Variants in APOL4 observed in about 807,000 individuals in gnomAD.
The protein encoded by APOL4 is apolipoprotein L4, also known as apolipoprotein L, 4.
In APOL4, 14 loss-of-function variants were observed where a neutral mutation model predicts 12.1. The observed-to-expected ratio is 1.16, with a 90% CI of 0.76 to 1.81. The LOEUF is 1.81. APOL4 is among the 40% of genes most tolerant of loss of function. APOL4 has a pLI of 0.00. For missense variants in APOL4, 432 were observed against 423.1 expected (o/e 1.02, Z -0.18); for synonymous variants, 171 against 160.6 (o/e 1.06, Z -0.49).
intron 1 of APOL4, 49 bp from the exon 2 acceptor site, chr22:36,199,425 G>T: frequency 1.9e-6 from 3 of 1,613,724 alleles, no homozygotes; most frequent in Non-Finnish European, 2.5e-6. Context: ...GCCACCTATG[G>T]GCAAAGGGAG....
chr22:36,200,519 G>A (rs893757849), intron 1 of APOL4, among the ~76,000 whole-genome samples: 1 of 152,202 alleles, frequency 6.6e-6, no homozygotes, highest in African/African-American at 2.4e-5. Context: ...CCCTCCTGGC[G>A]CTGCCCTGTT....
chr22:36,197,885 A>G, intron 2 of APOL4: 2 of 1,500,248 alleles, frequency 1.3e-6, no homozygotes, highest in Admixed American at 2.2e-5. Context: ...CTAACTCAGC[A>G]CTGGGTCTGA....
chr22:36,197,739 A>G, intron 2 of APOL4: 1 of 1,550,552 alleles, frequency 6.4e-7, no homozygotes, highest in Non-Finnish European at 8.7e-7. Context: ...CAGAAAGAAC[A>G]AGAACTCCAG....
At chr22:36,194,241 A>G (rs2014339751) in intron 3 of APOL4, among the ~76,000 whole-genome samples, 2 of 152,154 alleles carry the variant, frequency 1.3e-5, no homozygotes, top group South Asian at 4.2e-4. Flanking sequence ...GCAGCCCAGA[A>G]CTCCCCATTT....
At chr22:36,197,886 C>G in intron 2 of APOL4, 3 of 1,501,012 alleles carry the variant, frequency 2.0e-6, no homozygotes, top group Non-Finnish European at 2.7e-6. Context: ...TAACTCAGCA[C>G]TGGGTCTGAC....
At chr22:36,192,219 A>T (rs530400170) in intron 3 of APOL4, among the ~76,000 whole-genome samples, 2 of 152,266 alleles carry the variant, frequency 1.3e-5, no homozygotes, top group Non-Finnish European at 1.5e-5. Flanking sequence ...GAGTGCCTGT[A>T]GTCCCAGCTA....
chr22:36,199,219 G>T, intron 2 of APOL4, 111 bp downstream of exon 2: 1 of 1,463,358 alleles, frequency 6.8e-7, no homozygotes, highest in Non-Finnish European at 9.5e-7. Context: ...TCTGGGTTCC[G>T]TTGGGGCTCA....
At chr22:36,195,113 T>C (rs575400794) in intron 3 of APOL4, 198 bp downstream of exon 3, 9 of 603,304 alleles carry the variant, frequency 1.5e-5, no homozygotes, top group African/African-American at 9.3e-5. Context: ...TGTGGGCTTC[T>C]TCTCCCCTCA....
At chr22:36,199,301 A>C in intron 2 of APOL4, 29 bp downstream of exon 2, 2 of 1,614,082 alleles carry the variant, frequency 1.2e-6, no homozygotes, top group Non-Finnish European at 1.7e-6. Flanking sequence ...AGGCGAGCCT[A>C]CCAGCAGCCA....
In APOL4 at chr22:36,191,027, C is replaced by T. The variant is rs2014226040; in HGVS notation, c.*48G>A. On this transcript the variant is annotated 3_prime_UTR_variant, in exon 4 of 4. Coordinates refer to ENST00000683024, the MANE Select transcript of APOL4 (RefSeq NM_001386885.1). ...AATCCACGTTCTTCTGCCATGGCTT[C>T]AGCCAGTCCCTCCGTTTGGGGTCCC... 2 of 1,487,410 alleles carry T rather than the reference C, an allele frequency of 1.3e-6. No individual in the cohort carries two copies. Among genetic ancestry groups the T allele is most frequent in the Admixed American group, 2.2e-5 (1 of 46,142 alleles). The allele number at this position is 1,487,410 out of a possible 1,614,324, so 92.1% of individuals were successfully genotyped here.
intron 3 of APOL4, among the ~76,000 whole-genome samples, chr22:36,192,175 CT>C (rs2146935941): frequency 6.6e-6 from 1 of 152,176 alleles, no homozygotes; most frequent in African/African-American, 2.4e-5. Context: ...CCCGTCTCTA[CT>C]AAAAATACAA....
At chr22:36,203,126 C>T (rs542676859), upstream of APOL4, among the ~76,000 whole-genome samples, 1 of 152,356 alleles carries the variant, frequency 6.6e-6, no homozygotes, top group South Asian at 2.1e-4. Context: ...TCTCACTCCC[C>T]TGTCTCAGCC....
upstream of APOL4, among the ~76,000 whole-genome samples, chr22:36,202,547 G>T (rs1288156206): frequency 6.6e-6 from 1 of 152,128 alleles, no homozygotes; most frequent in Non-Finnish European, 1.5e-5. Flanking sequence ...CTAACATGGT[G>T]AAACCCCATC....
Position 36,191,039 on chromosome 22 carries a change from C to A in APOL4, c.*36G>T. Reference sequence around the variant, plus strand: ...TCTGCCATGGCTTCAGCCAGTCCCTCCGTTTGGGGTCCCTGACTTCCCGCA... The same window carrying A: ...TCTGCCATGGCTTCAGCCAGTCCCTACGTTTGGGGTCCCTGACTTCCCGCA... On this transcript the variant is annotated 3_prime_UTR_variant, in exon 4 of 4. Transcript: ENST00000683024. 6.5e-7 allele frequency: 1 copy of A among 1,531,344 alleles called. No individual in the cohort carries two copies. The highest frequency in any genetic ancestry group is 8.8e-7 in the Non-Finnish European group (1 of 1,133,882). The allele number at this position is 1,531,344 out of a possible 1,614,324, so 94.9% of individuals were successfully genotyped here.
At chr22:36,199,423 T>C (rs755391709) in intron 1 of APOL4, 47 bp from the exon 2 acceptor site, 2 of 1,613,876 alleles carry the variant, frequency 1.2e-6, no homozygotes, top group Non-Finnish European at 1.7e-6. Flanking sequence ...GAGCCACCTA[T>C]GGGCAAAGGG....
upstream of APOL4, chr22:36,204,610 A>G (rs1318122292): frequency 3.9e-6 from 2 of 518,008 alleles, no homozygotes; most frequent in Non-Finnish European, 3.1e-6. Flanking sequence ...GAGGGAGGTC[A>G]CACCATCCCC....
chr22:36,199,183 T>G, intron 2 of APOL4, 147 bp downstream of exon 2: 1 of 1,118,606 alleles, frequency 8.9e-7, no homozygotes, highest in South Asian at 1.4e-5. Context: ...TCTTGGGGCT[T>G]GGGGCAGCCT....
intron 2 of APOL4, chr22:36,197,620 G>T: frequency 6.5e-7 from 1 of 1,535,638 alleles, no homozygotes; most frequent in African/African-American, 1.4e-5. Flanking sequence ...CTGAACTGGG[G>T]TCATATCAGA....
In APOL4 at chr22:36,191,238, C is replaced by G. The variant is rs766515285; in HGVS notation, c.884G>C (p.Gly295Ala). 1 of 1,613,904 alleles carries G rather than the reference C, an allele frequency of 6.2e-7. No homozygotes were observed. The highest frequency in any genetic ancestry group is 8.5e-7 in the Non-Finnish European group (1 of 1,179,904). Reference protein sequence around the residue: ...VARNLGKATSGVLVVLDVVNL... With the variant: ...VARNLGKATSAVLVVLDVVNL... ...GACTACATCCAGCACAACAAGGACA[C>G]CTGAAGTGGCCTTGCCCAGGTTCCG... The change falls in exon 4 of 4, where the codon GGT (glycine) becomes GCT (alanine). Residue 295 changes from glycine (G) to alanine (A), a missense_variant. Coordinates refer to ENST00000683024, the MANE Select transcript of APOL4 (RefSeq NM_001386885.1).
Sources: gnomAD v4.1 joint callset for allele counts (sites outside exome capture counted in the v4.1 genomes callset) on GRCh38, gnomAD v4.1.1 for gene constraint, MANE v1.5 for transcripts, NCBI Gene and HGNC (gene_info 2026-07-23, HGNC 2026-07-21) for gene names.